PLAU: variants seen among roughly 807,000 people sequenced by gnomAD.
PLAU encodes plasminogen activator, urokinase.
A neutral mutation model predicts 48.9 loss-of-function variants in PLAU; 32 were observed. The ratio of observed to expected loss-of-function variants is 0.65; its 90% CI spans 0.49 to 0.88. The LOEUF is 0.88. PLAU is among the 40% of genes least tolerant of loss of function. The pLI is 0.00. For synonymous variants in PLAU, 199 were observed against 205.7 expected (o/e 0.97, Z 0.28); for missense variants, 455 against 545.2 (o/e 0.83, Z 1.65).
chr10:73,916,591 C>T lies in PLAU; in HGVS notation c.*26C>T. On this transcript the variant is annotated 3_prime_UTR_variant, in exon 11 of 11. Coordinates refer to ENST00000372764, the MANE Select transcript of PLAU (RefSeq NM_002658.6). The stretch of plus-strand genomic sequence containing the variant: ...GGGTCCCCAGGGAGGAAACGGGCAC[C>T]ACCCGCTTTCTTGCTGGTTGTCATT... 1.3e-6 allele frequency: 2 copies of T among 1,577,572 alleles called. No homozygotes were observed. The highest frequency in any genetic ancestry group is 1.1e-5 in the South Asian group (1 of 88,688).
Position 73,915,347 on chromosome 10 carries a change from C to T in PLAU, c.1067C>T (p.Thr356Ile), listed in dbSNP as rs199520267. The change falls in exon 10 of 11, where the codon ACC becomes ATC. Residue 356 changes from threonine to isoleucine, a missense_variant. By Grantham distance (89) the Thr-to-Ile change is moderately conservative (BLOSUM62 -1). Transcript: ENST00000372764. Reference sequence around the variant, plus strand: ...CCCCACTACTACGGCTCTGAAGTCACCACCAAAATGCTGTGTGCTGCTGAC... The same window carrying T: ...CCCCACTACTACGGCTCTGAAGTCATCACCAAAATGCTGTGTGCTGCTGAC... The part of the protein sequence containing the change: ...QQPHYYGSEV[T>I]TKMLCAADPQ... 6.2e-7 allele frequency: 1 copy of T among 1,613,730 alleles called. No homozygotes were observed. Among genetic ancestry groups the T allele is most frequent in the Non-Finnish European group, 8.5e-7 (1 of 1,179,932 alleles).
At chr10:73,912,840 A>T in intron 4 of PLAU, 84 bp from the exon 5 acceptor site, 1 of 1,052,928 alleles carries the variant, frequency 9.5e-7, no homozygotes, top group Non-Finnish European at 1.4e-6. Flanking sequence ...ACAGAGCAAG[A>T]CTCCATCTCA....
Position 73,911,588 on chromosome 10 carries a change from C to T in PLAU, c.33C>T (p.Cys11=). 1.9e-6 allele frequency: 3 copies of T among 1,613,736 alleles called. No individual in the cohort carries two copies. The highest frequency in any genetic ancestry group is 2.5e-6 in the Non-Finnish European group (3 of 1,180,018). ...CCCTGCTGGCGCGCCTGCTTCTCTG[C>T]GTCCTGGTCGTGAGCGACTCCAAAG... The part of the protein sequence containing the change: MRALLARLLL[C]VLVVSDSKGS... The change falls in exon 2 of 11, where the codon TGC becomes TGT. Residue 11 remains cysteine, a synonymous_variant. Transcript: ENST00000372764.
chr10:73,915,550 T>C, intron 10 of PLAU, 151 bp downstream of exon 10: 1 of 689,438 alleles, frequency 1.5e-6, no homozygotes, highest in South Asian at 2.4e-5. Context: ...AACCAGTCCT[T>C]ATGTGTTTGC....
rs139271997 is a variant in PLAU, at chr10:73,915,266, C to T, written c.986C>T (p.Pro329Leu). The change falls in exon 10 of 11, where the codon CCG (proline) becomes CTG (leucine). Residue 329 changes from proline (P) to leucine (L), a missense_variant. By Grantham distance (98) the Pro-to-Leu change is moderately conservative (BLOSUM62 -3). Coordinates refer to ENST00000372764, the MANE Select transcript of PLAU (RefSeq NM_002658.6). ...GKENSTDYLY[P>L]EQLKMTVVKL... Reference sequence around the variant, plus strand: ...CTCCACCTAGCCGACTATCTCTATCCGGAGCAGCTGAAAATGACTGTTGTG... The same window carrying T: ...CTCCACCTAGCCGACTATCTCTATCTGGAGCAGCTGAAAATGACTGTTGTG... 35 of 1,613,318 alleles carry T rather than the reference C, an allele frequency of 2.2e-5. No individual in the cohort carries two copies. The highest frequency in any genetic ancestry group is 1.3e-4 in the East Asian group (6 of 44,902).
In PLAU at chr10:73,914,008, G is replaced by A. The variant is rs781710375; in HGVS notation, c.709G>A (p.Val237Ile). Residue 237 changes from valine (V) to isoleucine (I), a missense_variant, in exon 8 of 11, where the codon GTC (valine) becomes ATC (isoleucine). Physicochemically the swap from Val to Ile is conservative, Grantham distance 29. Coordinates refer to ENST00000372764, the MANE Select transcript of PLAU (RefSeq NM_002658.6). Reference protein sequence around the residue: ...IDYPKKEDYIVYLGRSRLNSN... With the variant: ...IDYPKKEDYIIYLGRSRLNSN... ...TTACCCAAAGAAGGAGGACTACATC[G>A]TCTACCTGGGTCGCTCAAGGCTTAA... 1.9e-5 allele frequency: 31 copies of A among 1,613,912 alleles called. No individual in the cohort carries two copies. Among genetic ancestry groups the A allele is most frequent in the Non-Finnish European group, 2.5e-5 (30 of 1,179,778 alleles).
chr10:73,913,246 C>T (rs2096128624), intron 5 of PLAU, 44 bp from the exon 6 acceptor site: 2 of 1,599,650 alleles, frequency 1.3e-6, no homozygotes, highest in Non-Finnish European at 1.7e-6. Context: ...GCAGGGAAGG[C>T]CCTCTGGGTT....
At position 73,912,924 on chromosome 10, in the gene PLAU, A is replaced by G. The variant is rs183208966; in HGVS notation, c.194A>G (p.Asp65Gly). The change falls in exon 5 of 11, where the codon GAT becomes GGT. Residue 65 changes from aspartate (D) to glycine (G), a missense_variant and splice_region_variant. Physicochemically the swap from Asp to Gly is moderately conservative, Grantham distance 94. Transcript: ENST00000372764. The stretch of plus-strand genomic sequence containing the variant: ...CTCTCATCCTCCTGTCCCCTTGTAG[A>G]TAAGTCAAAAACCTGCTATGAGGGG... ...KKFGGQHCEI[D>G]KSKTCYEGNG... 5.6e-6 allele frequency: 9 copies of G among 1,604,050 alleles called. No homozygotes were observed. Among genetic ancestry groups the G allele is most frequent in the African/African-American group, 1.3e-5 (1 of 74,478 alleles).
intron 9 of PLAU, 48 bp downstream of exon 9, chr10:73,914,964 A>T: frequency 6.3e-7 from 1 of 1,598,212 alleles, no homozygotes; most frequent in Non-Finnish European, 8.6e-7. Flanking sequence ...GAGTGTTTTG[A>T]CCTGAAAATG....
At chr10:73,914,237 G>A (rs567586364) in intron 8 of PLAU, 109 bp downstream of exon 8, 7 of 1,101,642 alleles carry the variant, frequency 6.4e-6, no homozygotes, top group African/African-American at 3.1e-5. Context: ...GGGGTGGGGC[G>A]AGGGACCTTG....
At chr10:73,910,733 G>A (rs1302063619), upstream of PLAU, 1 of 152,354 alleles carries the variant, frequency 6.6e-6, no homozygotes, top group Non-Finnish European at 1.5e-5. Flanking sequence ...GGGCAAGGGG[G>A]TCTGAGGCAG....
chr10:73,913,533 C>T lies in PLAU; in HGVS notation c.461-6C>T, dbSNP rs542595564. Reference sequence around the variant, plus strand: ...TCCCTAAGACATCCCTCTGTTTGTCCTCCAGGAAAAAAGCCCTCCTCTCCT... The same window carrying T: ...TCCCTAAGACATCCCTCTGTTTGTCTTCCAGGAAAAAAGCCCTCCTCTCCT... On this transcript the variant is annotated splice_polypyrimidine_tract_variant and splice_region_variant and intron_variant, in intron 6 of 10. Transcript: ENST00000372764. The T allele has an allele frequency of 1.2e-6, 2 of 1,608,968 alleles. No homozygotes were observed. The highest frequency in any genetic ancestry group is 1.3e-5 in the African/African-American group (1 of 74,808).
intron 9 of PLAU, 54 bp from the exon 10 acceptor site, chr10:73,915,195 ACT>A: frequency 1.3e-6 from 2 of 1,541,144 alleles, no homozygotes; most frequent in Non-Finnish European, 1.8e-6. Context: ...TCTCTGGCAG[ACT>A]CCCAGTGGAC....
chr10:73,913,143 C>A lies in PLAU; in HGVS notation c.368+45C>A, dbSNP rs1033773383. 4.4e-6 allele frequency: 7 copies of A among 1,597,430 alleles called. No individual in the cohort carries two copies. The African/African-American group carries it at 8.1e-5, about 18-fold the overall frequency. On this transcript the variant is annotated intron_variant, in intron 5 of 10. Coordinates refer to ENST00000372764, the MANE Select transcript of PLAU (RefSeq NM_002658.6). ...GACCAAAAGCCCTCCCTACAGCTTCCCAGAAACCTTGTTACCATCCCCTTC... is the reference window on the plus strand; with the variant it reads ...GACCAAAAGCCCTCCCTACAGCTTCACAGAAACCTTGTTACCATCCCCTTC...
chr10:73,909,015 T>C (rs1411152202), upstream of PLAU, among the ~76,000 whole-genome samples: 1 of 145,612 alleles, frequency 6.9e-6, no homozygotes, highest in Non-Finnish European at 1.5e-5. Context: ...TTTCAGAGAG[T>C]GCTAAAGATT....
Position 73,913,085 on chromosome 10 carries a change from CAT to C in PLAU, c.357_358del (p.His119GlnfsTer31). The C allele has an allele frequency of 6.2e-7, 1 of 1,613,552 alleles. No individual in the cohort carries two copies. ...SDALQLGLGK[H>X]NYCRNPDNRR... ...TGCTCTTCAGCTGGGCCTGGGGAAA[CAT>C]AATTACTGCAGGTGAGGTGGGGGCA... On this transcript the variant is annotated frameshift_variant, in exon 5 of 11. Transcript: ENST00000372764. LOFTEE classifies it high-confidence loss of function.
upstream of PLAU, among the ~76,000 whole-genome samples, chr10:73,908,974 T>C (rs1035512695): frequency 6.7e-6 from 1 of 148,886 alleles, no homozygotes; most frequent in African/African-American, 2.6e-5. Flanking sequence ...AAACCTTGTC[T>C]TTAAAAAAAA....
In PLAU at chr10:73,911,312, C is replaced by T. The variant is rs930128964; in HGVS notation, c.-32+94C>T. The T allele has an allele frequency of 2.1e-5, 13 of 604,846 alleles. No individual in the cohort carries two copies. In the African/African-American group the frequency reaches 2.3e-4, roughly 11 times the overall value. The allele number at this position is 604,846 out of a possible 1,614,324, so 37.5% of individuals were successfully genotyped here. On this transcript the variant is annotated intron_variant, in intron 1 of 10. Transcript: ENST00000372764. ...CCCCGCCCTGGGCTGCCCGGGCTCC[C>T]TGGGCTCCCCGGCGGCTGCACGGAG... is the stretch of plus-strand genomic sequence containing the variant.
At chr10:73,914,684 G>C (rs948194292) in intron 8 of PLAU, 92 bp from the exon 9 acceptor site, 2 of 1,269,026 alleles carry the variant, frequency 1.6e-6, no homozygotes, top group Non-Finnish European at 2.2e-6. Context: ...CCTAGGGATA[G>C]GCATAGCTAC....
Sources: gnomAD v4.1 joint callset for allele counts (sites outside exome capture counted in the v4.1 genomes callset) on GRCh38, gnomAD v4.1.1 for gene constraint, MANE v1.5 for transcripts, NCBI Gene and HGNC (gene_info 2026-07-23, HGNC 2026-07-21) for gene names.